Variants in MCOLN2 observed in about 807,000 individuals in gnomAD.
MCOLN2 encodes mucolipin TRP cation channel 2, also known as mucolipin-2.
A neutral mutation model predicts 67.5 loss-of-function variants in MCOLN2; 57 were observed. The observed-to-expected ratio is 0.84, with a 90% CI of 0.68 to 1.05. The LOEUF (loss-of-function observed/expected upper bound fraction) is 1.05, where lower values mean the gene tolerates loss of function less well. Among genes scored for constraint, MCOLN2 ranks in the 50% least tolerant of loss-of-function variants. The probability of loss-of-function intolerance (pLI) is 0.00; values close to 1 mark genes in which losing one functional copy is unlikely to be tolerated. For synonymous variants in MCOLN2, 246 were observed against 233.3 expected (o/e 1.05, Z -0.50); for missense variants, 620 against 678.8 (o/e 0.91, Z 0.96).
chr1:84,972,330 T>C (rs1649741816), intron 1 of MCOLN2, among the ~76,000 whole-genome samples: 1 of 152,226 alleles, frequency 6.6e-6, no homozygotes, highest in Non-Finnish European at 1.5e-5. Context: ...TTATGAATTA[T>C]TTATGTTTCA....
intron 6 of MCOLN2, 107 bp downstream of exon 6, chr1:84,952,136 A>T (rs680330): frequency 7.2e-6 from 5 of 692,364 alleles, no homozygotes; most frequent in Non-Finnish European, 1.2e-5. Flanking sequence ...TGTTTTAAAC[A>T]TGACTGCATT....
chr1:84,988,201 A>AT (rs1384764813), intron 1 of MCOLN2, among the ~76,000 whole-genome samples: 4 of 146,134 alleles, frequency 2.7e-5, no homozygotes, highest in East Asian at 4.2e-4. Flanking sequence ...TCATCTGAGG[A>AT]TTTTTTTTTA....
intron 1 of MCOLN2, among the ~76,000 whole-genome samples, chr1:84,993,408 C>A (rs992403558): frequency 6.6e-6 from 1 of 152,180 alleles, no homozygotes; most frequent in East Asian, 1.9e-4. Flanking sequence ...AATCTGGACC[C>A]CTTCAAAGTC....
intron 6 of MCOLN2, among the ~76,000 whole-genome samples, chr1:84,948,597 G>C (rs1648241524): frequency 6.6e-6 from 1 of 152,112 alleles, no homozygotes; most frequent in Non-Finnish European, 1.5e-5. Flanking sequence ...CAAAGAAAAG[G>C]ATATTCATTA....
chr1:84,991,978 TAGAG>T (rs1368143288), intron 1 of MCOLN2, among the ~76,000 whole-genome samples: 1 of 152,186 alleles, frequency 6.6e-6, no homozygotes, highest in African/African-American at 2.4e-5. Flanking sequence ...CCCAACTTAA[TAGAG>T]TCATGCTGAT....
At chr1:84,984,789 G>A (rs6699956) in intron 1 of MCOLN2, among the ~76,000 whole-genome samples, 21,134 of 152,192 alleles carry the variant, frequency 0.14, 1,710 homozygotes, top group East Asian at 0.26. Context: ...GAGCTCAGGA[G>A]TTTGAGAACA....
chr1:84,952,177 C>T, intron 6 of MCOLN2, 66 bp downstream of exon 6: 2 of 1,058,810 alleles, frequency 1.9e-6, no homozygotes, highest in Middle Eastern at 2.9e-4. Flanking sequence ...GTGTTTTATA[C>T]TCTGCATCAA....
chr1:84,989,098 G>T (rs1438763742), intron 1 of MCOLN2, among the ~76,000 whole-genome samples: 1 of 152,112 alleles, frequency 6.6e-6, no homozygotes, highest in South Asian at 2.1e-4. Context: ...CCCTACAATG[G>T]ACTTCATGAA....
At chr1:84,945,736 T>C (rs1264982031) in intron 7 of MCOLN2, among the ~76,000 whole-genome samples, 1 of 152,142 alleles carries the variant, frequency 6.6e-6, no homozygotes, top group African/African-American at 2.4e-5. Flanking sequence ...TATTTTATTT[T>C]AATTTTTTTA....
chr1:84,975,932 A>G (rs1401007911), intron 1 of MCOLN2, among the ~76,000 whole-genome samples: 2 of 152,136 alleles, frequency 1.3e-5, no homozygotes, highest in Non-Finnish European at 2.9e-5. Flanking sequence ...ATGATCAAGC[A>G]GAAGAAAGAA....
At position 84,929,602 on chromosome 1, in the gene MCOLN2, C is replaced by T; in HGVS notation, c.1620G>A (p.Gln540=). ...AGGACAGGAAGGCTGAGGACTCTTTCTGATACTCTTCTTTGCTACTGCATT... is the reference window on the plus strand; with the variant it reads ...AGGACAGGAAGGCTGAGGACTCTTTTTGATACTCTTCTTTGCTACTGCATT... ...LKECSSKEEY[Q]KESSAFLSCI... The change falls in exon 13 of 14, where the codon CAG becomes CAA. Residue 540 remains glutamine (Q), a synonymous_variant. Coordinates refer to ENST00000370608, the MANE Select transcript of MCOLN2 (RefSeq NM_153259.4). 6.2e-7 allele frequency: 1 copy of T among 1,613,904 alleles called. No individual in the cohort carries two copies. The highest frequency in any genetic ancestry group is 1.7e-5 in the Admixed American group (1 of 60,014).
Position 84,987,479 on chromosome 1 carries a change from T to C in MCOLN2, c.77+9317A>G, listed in dbSNP as rs1203364571. ...ACATATATGTATATATAGATATATA[T>C]ACATATATACATATGTATACATAGA... On this transcript the variant is annotated intron_variant, in intron 1 of 13. Coordinates refer to ENST00000370608, the MANE Select transcript of MCOLN2 (RefSeq NM_153259.4). Among the ~76,000 whole-genome samples the C allele has an allele frequency of 1.4e-4, 5 of 35,804 alleles. 1 individual carries two copies. Among genetic ancestry groups the C allele is most frequent in the Middle Eastern group, 0.062 (2 of 32 alleles). The allele number at this position is 35,804 out of a possible 152,430, so 23.5% of individuals were successfully genotyped here. A position where few individuals can be genotyped will look rare whatever the true frequency, so the allele number is the denominator to read the frequency against.
At chr1:84,989,593 ATAG>A (rs1319252927) in intron 1 of MCOLN2, among the ~76,000 whole-genome samples, 4 of 152,160 alleles carry the variant, frequency 2.6e-5, no homozygotes, top group Admixed American at 6.5e-5. Context: ...AACAAAATTG[ATAG>A]TAGTATAATA....
At chr1:84,944,458 AG>A (rs1207645869) in intron 7 of MCOLN2, among the ~76,000 whole-genome samples, 1 of 151,084 alleles carries the variant, frequency 6.6e-6, no homozygotes, top group Non-Finnish European at 1.5e-5. Context: ...GCTTGAACCC[AG>A]GAGGTGGAGG....
At chr1:84,961,756 G>GA (rs1271784501) in intron 2 of MCOLN2, among the ~76,000 whole-genome samples, 3 of 152,072 alleles carry the variant, frequency 2.0e-5, no homozygotes, top group Non-Finnish European at 4.4e-5. Context: ...ATACAAGACA[G>GA]AAAAATAATT....
At chr1:84,963,669 G>A (rs980448439) in intron 2 of MCOLN2, among the ~76,000 whole-genome samples, 26 of 152,062 alleles carry the variant, frequency 1.7e-4, no homozygotes, top group Non-Finnish European at 3.7e-4. Context: ...TTAAAAGTGT[G>A]TATCACCTTC....
intron 12 of MCOLN2, 36 bp from the exon 13 acceptor site, chr1:84,929,715 A>C: frequency 6.3e-7 from 1 of 1,585,902 alleles, no homozygotes. Flanking sequence ...CCTTATTTAT[A>C]AGGCATGAGA....
chr1:84,949,411 G>C (rs1338595316), intron 6 of MCOLN2, among the ~76,000 whole-genome samples: 1 of 152,224 alleles, frequency 6.6e-6, no homozygotes, highest in South Asian at 2.1e-4. Context: ...GGCTAAGGCA[G>C]ACAGATCACG....
intron 1 of MCOLN2, among the ~76,000 whole-genome samples, chr1:84,970,935 G>A (rs1171079018): frequency 6.6e-6 from 1 of 152,180 alleles, no homozygotes; most frequent in Admixed American, 6.5e-5. Context: ...TTCAAGAAAT[G>A]ATAACTGATG....
Sources: allele counts gnomAD v4.1 joint callset (sites outside exome capture counted in the v4.1 genomes callset), GRCh38; gene constraint gnomAD v4.1.1; transcripts MANE v1.5; gene names NCBI Gene and HGNC (gene_info 2026-07-23, HGNC 2026-07-21).